Variants in SDCCAG8 observed in about 807,000 individuals in gnomAD.
The protein encoded by SDCCAG8 is serologically defined colon cancer antigen 8.
In SDCCAG8, 74 loss-of-function variants were observed where a neutral mutation model predicts 101.8. The observed-to-expected ratio is 0.73, with a 90% CI of 0.60 to 0.88. The LOEUF is 0.88. SDCCAG8 is among the 40% of genes least tolerant of loss of function. The pLI is 0.00. For missense variants in SDCCAG8, 787 were observed against 822.6 expected (o/e 0.96, Z 0.53); for synonymous variants, 281 against 292.9 (o/e 0.96, Z 0.41).
At chr1:243,407,864 A>C (rs1290436732) in intron 13 of SDCCAG8, among the ~76,000 whole-genome samples, 5 of 152,144 alleles carry the variant, frequency 3.3e-5, no homozygotes, top group Non-Finnish European at 7.4e-5. Flanking sequence ...TGCATACTTA[A>C]GGAAGTAGAG....
chr1:243,361,449 A>G (rs1178764596), intron 12 of SDCCAG8, among the ~76,000 whole-genome samples: 1 of 152,258 alleles, frequency 6.6e-6, no homozygotes, highest in Non-Finnish European at 1.5e-5. Context: ...CAAAACGTGA[A>G]TTGCATTGCA....
chr1:243,274,318 C>G (rs1277235885), intron 3 of SDCCAG8, among the ~76,000 whole-genome samples: 1 of 152,186 alleles, frequency 6.6e-6, no homozygotes, highest in Non-Finnish European at 1.5e-5. Flanking sequence ...GGCCCCACCT[C>G]CAATGCTGGG....
At position 243,440,770 on chromosome 1, in the gene SDCCAG8, C is replaced by T. The variant is rs149440532; in HGVS notation, c.1985+14212C>T. ...ATTACATAAGGAAAGCAATGCCTTT[C>T]GTGCTTTTGAAGAGTGTTTTCCTTT... On this transcript the variant is annotated intron_variant, in intron 16 of 17. Transcript: ENST00000366541. Among the ~76,000 whole-genome samples the T allele has an allele frequency of 1.9e-4, 29 of 152,250 alleles. No homozygotes were observed. In the East Asian group the frequency reaches 2.7e-3, roughly 14 times the overall value.
At chr1:243,362,828 ATT>A (rs770525602) in intron 12 of SDCCAG8, among the ~76,000 whole-genome samples, 1 of 152,160 alleles carries the variant, frequency 6.6e-6, no homozygotes, top group Non-Finnish European at 1.5e-5. Flanking sequence ...CATTTGCCTT[ATT>A]GTTTATCAAA....
intron 13 of SDCCAG8, among the ~76,000 whole-genome samples, chr1:243,386,175 T>C (rs1243480288): frequency 6.6e-6 from 1 of 152,184 alleles, no homozygotes; most frequent in Non-Finnish European, 1.5e-5. Flanking sequence ...CTATTTTCTG[T>C]AATTTACAGC....
At chr1:243,448,404 A>G (rs934006467) in intron 16 of SDCCAG8, among the ~76,000 whole-genome samples, 1 of 152,144 alleles carries the variant, frequency 6.6e-6, no homozygotes, top group Non-Finnish European at 1.5e-5. Context: ...TCATGTATTT[A>G]TTTTATTTAT....
chr1:243,287,335 G>T (rs570379086), intron 5 of SDCCAG8, among the ~76,000 whole-genome samples: 1 of 151,484 alleles, frequency 6.6e-6, no homozygotes, highest in Admixed American at 6.6e-5. Flanking sequence ...TGACTTTGTC[G>T]TCATTAGTAA....
At chr1:243,484,776 T>C (rs1052354638) in intron 16 of SDCCAG8, among the ~76,000 whole-genome samples, 1 of 152,170 alleles carries the variant, frequency 6.6e-6, no homozygotes, top group Non-Finnish European at 1.5e-5. Context: ...CCGGGCGCGG[T>C]GGCTCACGCC....
chr1:243,389,044 C>T (rs996757905), intron 13 of SDCCAG8, among the ~76,000 whole-genome samples: 2 of 151,462 alleles, frequency 1.3e-5, no homozygotes, highest in Admixed American at 6.6e-5. Context: ...TGCCTGTAGT[C>T]CTGGCTACTT....
At chr1:243,382,077 G>A (rs1265429559) in intron 13 of SDCCAG8, among the ~76,000 whole-genome samples, 3 of 152,172 alleles carry the variant, frequency 2.0e-5, no homozygotes, top group South Asian at 4.1e-4. Flanking sequence ...CATAAAGATG[G>A]GAGAAAACAG....
chr1:243,451,241 A>G (rs149811279), intron 16 of SDCCAG8, among the ~76,000 whole-genome samples: 436 of 152,286 alleles, frequency 2.9e-3, no homozygotes, highest in African/African-American at 9.6e-3. Flanking sequence ...GAGTTTCCCT[A>G]AAGATTTCAT....
chr1:243,356,648 G>T (rs2076401567), intron 12 of SDCCAG8, among the ~76,000 whole-genome samples: 1 of 151,918 alleles, frequency 6.6e-6, no homozygotes, highest in Non-Finnish European at 1.5e-5. Flanking sequence ...AACCATTACT[G>T]GTATGAAAAT....
At position 243,307,993 on chromosome 1, in the gene SDCCAG8, G is replaced by T. The variant is rs757829748; in HGVS notation, c.745G>T (p.Asp249Tyr). Residue 249 changes from aspartate to tyrosine, a missense_variant, in exon 8 of 18, where the codon GAC becomes TAC. Coordinates refer to ENST00000366541, the MANE Select transcript of SDCCAG8 (RefSeq NM_006642.5). ...ATTTTTTCACCCTCTTTTTAGGAAC[G>T]ACTTAGCTGAATATCAGAGAACTTG... ...EESQLKFLRN[D>Y]LAEYQRTCED... The T allele has an allele frequency of 9.3e-6, 15 of 1,613,686 alleles. No homozygotes were observed. The highest frequency in any genetic ancestry group is 1.3e-5 in the Non-Finnish European group (15 of 1,179,950).
chr1:243,274,615 C>A lies in SDCCAG8; in HGVS notation c.379C>A (p.Gln127Lys). 1 of 1,610,324 alleles carries A rather than the reference C, an allele frequency of 6.2e-7. No individual in the cohort carries two copies. Among genetic ancestry groups the A allele is most frequent in the South Asian group, 1.1e-5 (1 of 90,814 alleles). The change falls in exon 4 of 18, where the codon CAA becomes AAA. Residue 127 changes from glutamine (Q) to lysine (K), a missense_variant. By Grantham distance (53) the Gln-to-Lys change is moderately conservative. Coordinates refer to ENST00000366541, the MANE Select transcript of SDCCAG8 (RefSeq NM_006642.5). The part of the protein sequence containing the change: ...DLVHTINDQS[Q>K]YIHHLEAEVK... ...TGTTCATACTATTAATGACCAGTCT[C>A]AATATATTCATCATTTAGAGGCAGA...
At chr1:243,259,973 T>G (rs754209118) in intron 1 of SDCCAG8, among the ~76,000 whole-genome samples, 14 of 152,258 alleles carry the variant, frequency 9.2e-5, no homozygotes, top group Non-Finnish European at 1.3e-4. Context: ...GATCCTTGCC[T>G]CATTTTGACC....
chr1:243,263,943 GTGTAGATAGACA>G (rs2149253033), intron 1 of SDCCAG8, among the ~76,000 whole-genome samples: 1 of 152,316 alleles, frequency 6.6e-6, no homozygotes, highest in South Asian at 2.1e-4. Flanking sequence ...GCCCAGTCAA[GTGTAGATAGACA>G]TGTATTTCTT....
At chr1:243,384,983 T>C (rs1402495648) in intron 13 of SDCCAG8, among the ~76,000 whole-genome samples, 3 of 152,152 alleles carry the variant, frequency 2.0e-5, no homozygotes, top group Non-Finnish European at 2.9e-5. Context: ...CCGTTCTACA[T>C]GGAGCATTTT....
At chr1:243,396,844 T>C (rs932437863) in intron 13 of SDCCAG8, among the ~76,000 whole-genome samples, 2 of 152,220 alleles carry the variant, frequency 1.3e-5, no homozygotes, top group Non-Finnish European at 2.9e-5. Flanking sequence ...TTTTCACAAG[T>C]ACATTACACA....
intron 17 of SDCCAG8, among the ~76,000 whole-genome samples, chr1:243,493,798 CT>C (rs1667158971): frequency 6.6e-6 from 1 of 151,688 alleles, no homozygotes; most frequent in African/African-American, 2.4e-5. Flanking sequence ...TACCAAAGGA[CT>C]CATAGAAGAG....
Sources: allele counts gnomAD v4.1 joint callset (sites outside exome capture counted in the v4.1 genomes callset), GRCh38; gene constraint gnomAD v4.1.1; transcripts MANE v1.5; gene names NCBI Gene and HGNC (gene_info 2026-07-23, HGNC 2026-07-21).